SECISBP2L: variants seen among roughly 807,000 people sequenced by gnomAD.
SECISBP2L encodes the protein SECIS binding protein 2 like.
Under a neutral mutation model 114.7 loss-of-function variants are expected in SECISBP2L, and 43 were observed. The ratio of observed to expected loss-of-function variants is 0.38; its 90% CI spans 0.29 to 0.48. The LOEUF is 0.48. Ranked by LOEUF, SECISBP2L falls within the 20% of genes least tolerant of loss-of-function variation. SECISBP2L has a pLI of 0.98. For synonymous variants in SECISBP2L, 451 were observed against 439.7 expected, an observed-to-expected ratio of 1.03 and a Z score of -0.32; for missense variants, 1,136 against 1,301.1, an observed-to-expected ratio of 0.87 and a Z score of 1.95.
At chr15:49,013,443 C>T (rs890437820) in intron 11 of SECISBP2L, among the ~76,000 whole-genome samples, 9 of 152,028 alleles carry the variant, frequency 5.9e-5, no homozygotes, top group Admixed American at 3.3e-4. Context: ...ATTACAGGCA[C>T]GTGCCACCAC....
At chr15:49,015,590 T>C (rs1232020110) in intron 11 of SECISBP2L, among the ~76,000 whole-genome samples, 5 of 152,288 alleles carry the variant, frequency 3.3e-5, no homozygotes, top group African/African-American at 1.2e-4. Context: ...TGTTCCTTTG[T>C]TCTATTCCTC....
chr15:49,024,102 A>T (rs905366292), intron 7 of SECISBP2L, among the ~76,000 whole-genome samples: 2 of 152,056 alleles, frequency 1.3e-5, no homozygotes, highest in Admixed American at 1.3e-4. Context: ...ACCCAATGTT[A>T]AAACACCAGA....
At chr15:49,000,266 T>C (rs1449329172) in intron 15 of SECISBP2L, among the ~76,000 whole-genome samples, 3 of 152,194 alleles carry the variant, frequency 2.0e-5, no homozygotes, top group Non-Finnish European at 4.4e-5. Flanking sequence ...TCAACAAATA[T>C]TTATAATAAA....
intron 11 of SECISBP2L, among the ~76,000 whole-genome samples, chr15:49,015,696 A>T (rs996201021): frequency 1.3e-5 from 2 of 152,236 alleles, no homozygotes; most frequent in African/African-American, 4.8e-5. Flanking sequence ...TTACTGTTTC[A>T]GTAGAAAGCC....
chr15:49,037,501 T>C (rs549986167), intron 2 of SECISBP2L, 90 bp downstream of exon 2: 4 of 1,158,234 alleles, frequency 3.5e-6, no homozygotes, highest in Admixed American at 4.8e-5. Flanking sequence ...ATGGTTAAAG[T>C]CTAAAAGTTG....
At chr15:49,005,443 T>C (rs886585928) in intron 14 of SECISBP2L, among the ~76,000 whole-genome samples, 1 of 152,150 alleles carries the variant, frequency 6.6e-6, no homozygotes, top group Non-Finnish European at 1.5e-5. Flanking sequence ...ACATTTGGGA[T>C]AGTTACCTCA....
At chr15:49,024,900 T>G (rs1197641066) in intron 7 of SECISBP2L, among the ~76,000 whole-genome samples, 1 of 152,208 alleles carries the variant, frequency 6.6e-6, no homozygotes, top group Non-Finnish European at 1.5e-5. Context: ...GTGCCATATA[T>G]ATTTGCAAAG....
At chr15:49,012,523 G>T in intron 12 of SECISBP2L, 125 bp downstream of exon 12, 1 of 939,192 alleles carries the variant, frequency 1.1e-6, no homozygotes, top group Non-Finnish European at 1.6e-6. Context: ...TTATCGTCAA[G>T]ATTCATGTGT....
intron 7 of SECISBP2L, among the ~76,000 whole-genome samples, chr15:49,026,005 G>C (rs1902733240): frequency 6.6e-6 from 1 of 152,076 alleles, no homozygotes. Flanking sequence ...AATGGATGAA[G>C]AAATGTGGTA....
intron 1 of SECISBP2L, among the ~76,000 whole-genome samples, chr15:49,042,154 G>C (rs1903151155): frequency 6.6e-6 from 1 of 152,220 alleles, no homozygotes; most frequent in African/African-American, 2.4e-5. Flanking sequence ...CCACTACTTT[G>C]TTTTTAACTT....
Position 48,989,086 on chromosome 15 carries a change from T to C in SECISBP2L, c.*3158A>G, listed in dbSNP as rs1408159701. ...TAAAAATTTTTAAATGAGTTGATGT[T>C]CTAACCTGTTGGCCCAACATACAGA... On this transcript the variant is annotated 3_prime_UTR_variant, in exon 18 of 18. Transcript: ENST00000559471. 6.6e-6 allele frequency: 1 copy of C among 152,096 alleles called. No homozygotes were observed. The highest frequency in any genetic ancestry group is 2.1e-4 in the South Asian group (1 of 4,832). 9.4% of individuals were successfully genotyped at this position (152,096 alleles called of 1,614,324 possible). A position where few individuals can be genotyped will look rare whatever the true frequency, so the allele number is the denominator to read the frequency against.
chr15:49,020,065 T>C (rs1902610565), intron 7 of SECISBP2L, among the ~76,000 whole-genome samples: 1 of 152,176 alleles, frequency 6.6e-6, no homozygotes, highest in South Asian at 2.1e-4. Context: ...TAAGGAGCAG[T>C]TGGTGTGGCT....
intron 7 of SECISBP2L, 147 bp downstream of exon 7, chr15:49,027,218 G>C (rs890228316): frequency 2.0e-6 from 1 of 495,430 alleles, no homozygotes; most frequent in African/African-American, 1.9e-5. Context: ...ATTTAAGTAA[G>C]TTTATTAGCT....
chr15:49,028,748 A>C, intron 4 of SECISBP2L, 66 bp from the exon 5 acceptor site: 1 of 1,309,194 alleles, frequency 7.6e-7, no homozygotes, highest in Non-Finnish European at 1.1e-6. Context: ...TCATTAAATC[A>C]TCATTAAGAT....
At chr15:49,009,708 CTT>C (rs1902398466) in intron 13 of SECISBP2L, among the ~76,000 whole-genome samples, 1 of 151,462 alleles carries the variant, frequency 6.6e-6, no homozygotes, top group Admixed American at 6.6e-5. Flanking sequence ...ACTTCCATCT[CTT>C]TAAAAAAAAA....
chr15:48,997,244 G>C (rs567565930), intron 16 of SECISBP2L, among the ~76,000 whole-genome samples: 1 of 152,314 alleles, frequency 6.6e-6, no homozygotes, highest in South Asian at 2.1e-4. Context: ...AGAATATAAA[G>C]GAGTGAGTGT....
intron 4 of SECISBP2L, among the ~76,000 whole-genome samples, chr15:49,030,813 C>T (rs572108193): frequency 6.6e-6 from 1 of 152,226 alleles, no homozygotes; most frequent in South Asian, 2.1e-4. Context: ...GCTCTCTGTT[C>T]TGTTCAACTT....
chr15:49,004,866 T>C (rs1331008295), intron 14 of SECISBP2L, among the ~76,000 whole-genome samples: 2 of 152,232 alleles, frequency 1.3e-5, no homozygotes, highest in African/African-American at 4.8e-5. Flanking sequence ...TGGTCAATTT[T>C]AGAATAAGTG....
At position 48,996,531 on chromosome 15, in the gene SECISBP2L, T is replaced by C. The variant is rs774737405; in HGVS notation, c.2459A>G (p.Asp820Gly). ...LTEEARKAYK[D>G]MVAAMEQEQA... Reference sequence around the variant, plus strand: ...CTCCTGTTCCATTGCTGCAACCATATCTTTATATGCTTTCCTGGCCTCCTC... The same window carrying C: ...CTCCTGTTCCATTGCTGCAACCATACCTTTATATGCTTTCCTGGCCTCCTC... Residue 820 changes from aspartate (D) to glycine (G), a missense_variant, in exon 17 of 18, where the codon GAT becomes GGT. Asp to Gly is a moderately conservative substitution (Grantham distance 94). Around this residue, in one of 2 missense-constraint regions of SECISBP2L, gnomAD observed 684 missense variants for 848.7 expected, o/e 0.81. Coordinates refer to ENST00000559471, the MANE Select transcript of SECISBP2L (RefSeq NM_001193489.2). 2 of 1,614,144 alleles carry C rather than the reference T, an allele frequency of 1.2e-6. No individual in the cohort carries two copies. The highest frequency in any genetic ancestry group is 1.7e-6 in the Non-Finnish European group (2 of 1,180,008).
Sources: gnomAD v4.1 joint callset for allele counts (sites outside exome capture counted in the v4.1 genomes callset) on GRCh38, gnomAD v4.1.1 for gene constraint, gnomAD v4.1.1 regional missense constraint, MANE v1.5 for transcripts, NCBI Gene and HGNC (gene_info 2026-07-23, HGNC 2026-07-21) for gene names.